PDE8A: variants seen among roughly 807,000 people sequenced by gnomAD.
PDE8A encodes phosphodiesterase 8A.
PDE8A carries 59 observed loss-of-function variants against 105.0 expected under a neutral mutation model. That is an observed-to-expected ratio of 0.56 (90% CI 0.46 to 0.70). PDE8A has a LOEUF of 0.70. PDE8A is among the 30% of genes least tolerant of loss of function. The pLI is 0.00. For missense variants in PDE8A, 1,014 were observed against 1,045.9 expected, an observed-to-expected ratio of 0.97 and a Z score of 0.42; for synonymous variants, 355 against 371.9, an observed-to-expected ratio of 0.95 and a Z score of 0.52.
intron 20 of PDE8A, among the ~76,000 whole-genome samples, chr15:85,130,388 C>A (rs1396973095): frequency 7.9e-5 from 12 of 152,136 alleles, no homozygotes; most frequent in Admixed American, 5.9e-4. Flanking sequence ...CCCGGTTTTC[C>A]TTCCATTACT....
intron 1 of PDE8A, chr15:85,062,796 A>T (rs1423986169): frequency 6.6e-6 from 1 of 152,198 alleles, no homozygotes; most frequent in Non-Finnish European, 1.5e-5. Context: ...TGTTCCTAAA[A>T]TAGTTGCATC....
chr15:85,050,073 G>A (rs1022524346), intron 1 of PDE8A, among the ~76,000 whole-genome samples: 9 of 152,048 alleles, frequency 5.9e-5, no homozygotes, highest in African/African-American at 2.2e-4. Context: ...TTGATATTGA[G>A]CATCTTTTCA....
intron 1 of PDE8A, among the ~76,000 whole-genome samples, chr15:85,023,291 G>A (rs1047518907): frequency 1.3e-5 from 2 of 152,232 alleles, no homozygotes; most frequent in Non-Finnish European, 2.9e-5. Context: ...TCTGGTGGTA[G>A]AGACCATGAA....
In PDE8A at chr15:85,054,247, G is replaced by A. The variant is rs573374371; in HGVS notation, c.187-10123G>A. Among the ~76,000 whole-genome samples the A allele has an allele frequency of 1.8e-4, 27 of 152,252 alleles. 1 individual carries two copies. In the East Asian group the frequency reaches 4.4e-3, roughly 25 times the overall value. On this transcript the variant is annotated intron_variant, in intron 1 of 21. Coordinates refer to ENST00000394553, the MANE Select transcript of PDE8A (RefSeq NM_002605.3). ...GTATTTTATTCAGGATTTTTGCATC[G>A]ATGTTCATCAGGGATATTGGTCTAA...
intron 1 of PDE8A, among the ~76,000 whole-genome samples, chr15:85,028,806 A>T (rs1410263180): frequency 6.6e-6 from 1 of 150,900 alleles, no homozygotes; most frequent in Non-Finnish European, 1.5e-5. Flanking sequence ...TGTCTTGTGG[A>T]TTTTTCTTGT....
chr15:85,011,927 G>C (rs1486961788), intron 1 of PDE8A, among the ~76,000 whole-genome samples: 1 of 152,184 alleles, frequency 6.6e-6, no homozygotes, highest in East Asian at 1.9e-4. Flanking sequence ...CATTTATGCA[G>C]CCAAAAAACA....
chr15:85,111,688 G>A (rs186437085), intron 12 of PDE8A, among the ~76,000 whole-genome samples: 188 of 152,246 alleles, frequency 1.2e-3, no homozygotes, highest in Non-Finnish European at 2.1e-3. Flanking sequence ...TCCATGTGAC[G>A]CTTAGAATGA....
At chr15:85,084,357 A>T in intron 6 of PDE8A, among the ~76,000 whole-genome samples, 1 of 152,010 alleles carries the variant, frequency 6.6e-6, no homozygotes, top group African/African-American at 2.4e-5. Flanking sequence ...TAGGTACTTT[A>T]TAGACAAAAT....
At chr15:85,109,416 C>T (rs1364517898) in intron 12 of PDE8A, among the ~76,000 whole-genome samples, 1 of 152,216 alleles carries the variant, frequency 6.6e-6, no homozygotes, top group African/African-American at 2.4e-5. Flanking sequence ...GTCAGTTCAT[C>T]TGCTATAATT....
intron 8 of PDE8A, among the ~76,000 whole-genome samples, chr15:85,094,520 T>A (rs1451953240): frequency 1.3e-5 from 2 of 152,218 alleles, no homozygotes; most frequent in African/African-American, 4.8e-5. Flanking sequence ...TTTTCCAAGG[T>A]CTGGTTCAGC....
intron 1 of PDE8A, among the ~76,000 whole-genome samples, chr15:85,023,513 A>C (rs1164225824): frequency 6.6e-6 from 1 of 152,212 alleles, no homozygotes; most frequent in Non-Finnish European, 1.5e-5. Flanking sequence ...ATGGTGGTCT[A>C]TACAGAACTG....
At chr15:85,105,643 G>A (rs2081937015) in intron 11 of PDE8A, among the ~76,000 whole-genome samples, 2 of 152,118 alleles carry the variant, frequency 1.3e-5, no homozygotes, top group Non-Finnish European at 2.9e-5. Context: ...TGAAAGGGTG[G>A]GCAGAGTTTA....
chr15:85,040,469 C>T (rs2080786286), intron 1 of PDE8A, among the ~76,000 whole-genome samples: 1 of 149,956 alleles, frequency 6.7e-6, no homozygotes, highest in African/African-American at 2.4e-5. Flanking sequence ...CTTTTCCTTT[C>T]TGTCTTCTCT....
chr15:85,062,891 C>T (rs922852896), intron 1 of PDE8A: 2 of 152,262 alleles, frequency 1.3e-5, no homozygotes, highest in African/African-American at 2.4e-5. Flanking sequence ...CTAAATCCAT[C>T]TTTTAAGACT....
intron 14 of PDE8A, 87 bp from the exon 15 acceptor site, chr15:85,115,352 T>G: frequency 1.2e-6 from 1 of 819,358 alleles, no homozygotes; most frequent in African/African-American, 1.8e-5. Flanking sequence ...CTGCCCTGAG[T>G]TGTCCTGTGG....
intron 1 of PDE8A, among the ~76,000 whole-genome samples, chr15:85,020,043 C>T (rs2080398277): frequency 7.6e-6 from 1 of 131,812 alleles, no homozygotes; most frequent in Non-Finnish European, 1.6e-5. Context: ...TGGTGATCTA[C>T]ATTACAAATG....
At chr15:85,002,212 T>G (rs1030064885) in intron 1 of PDE8A, among the ~76,000 whole-genome samples, 1 of 152,066 alleles carries the variant, frequency 6.6e-6, no homozygotes, top group Non-Finnish European at 1.5e-5. Context: ...TCGAAAGTAG[T>G]AGGTCTTTAG....
At chr15:85,079,177 A>G (rs55939179) in intron 5 of PDE8A, among the ~76,000 whole-genome samples, 12,950 of 152,262 alleles carry the variant, frequency 0.085, 1,529 homozygotes, top group African/African-American at 0.27. Flanking sequence ...ATAGACTAGA[A>G]TATATAATAT....
intron 5 of PDE8A, among the ~76,000 whole-genome samples, chr15:85,082,112 C>T (rs1376535824): frequency 1.3e-5 from 2 of 152,058 alleles, no homozygotes; most frequent in South Asian, 4.1e-4. Context: ...GAAGTGGGTT[C>T]CTGTCCAGTG....
Sources: allele counts gnomAD v4.1 joint callset (sites outside exome capture counted in the v4.1 genomes callset), GRCh38; gene constraint gnomAD v4.1.1; transcripts MANE v1.5; gene names NCBI Gene and HGNC (gene_info 2026-07-23, HGNC 2026-07-21).